RBFOX1: variants seen among roughly 807,000 people sequenced by gnomAD.
RBFOX1 encodes the protein RNA binding fox-1 homolog 1.
A neutral mutation model predicts 57.7 loss-of-function variants in RBFOX1; 8 were observed. The observed-to-expected ratio is 0.14, with a 90% confidence interval of 0.08 to 0.25. RBFOX1 has a LOEUF of 0.25. Among genes scored for constraint, RBFOX1 ranks in the 10% least tolerant of loss-of-function variants. The pLI, the probability that RBFOX1 is intolerant of heterozygous loss-of-function variation, is 1.00. For synonymous variants in RBFOX1, 326 were observed against 222.4 expected, an observed-to-expected ratio of 1.47 and a Z score of -4.15; for missense variants, 611 against 548.5, an observed-to-expected ratio of 1.11 and a Z score of -1.14.
intron 4 of RBFOX1, among the ~76,000 whole-genome samples, chr16:7,317,513 C>T (rs914439625): frequency 1.3e-5 from 2 of 152,162 alleles, no homozygotes; most frequent in African/African-American, 2.4e-5. Context: ...CATCACGAAG[C>T]AACTGGTCTC....
intron 2 of RBFOX1, among the ~76,000 whole-genome samples, chr16:6,450,767 GTA>G (rs371495786): frequency 0.033 from 1,134 of 34,018 alleles, 105 homozygotes; most frequent in African/African-American, 0.14. Flanking sequence ...ATATATATGT[GTA>G]TATATATATA....
At chr16:5,754,338 T>C (rs1159257166) in intron 3 of RBFOX1, among the ~76,000 whole-genome samples, 1 of 152,210 alleles carries the variant, frequency 6.6e-6, no homozygotes, top group Middle Eastern at 3.2e-3. Flanking sequence ...GCAATGTTCA[T>C]GTTCGCTCCT....
intron 1 of RBFOX1, among the ~76,000 whole-genome samples, chr16:5,277,273 G>A (rs1411196709): frequency 3.9e-5 from 6 of 151,918 alleles, no homozygotes; most frequent in Non-Finnish European, 7.4e-5. Flanking sequence ...GCAAAGGGAC[G>A]AGAATGAAAC....
chr16:7,532,292 C>T (rs1439042447), intron 5 of RBFOX1, among the ~76,000 whole-genome samples: 1 of 152,028 alleles, frequency 6.6e-6, no homozygotes, highest in Non-Finnish European at 1.5e-5. Flanking sequence ...TGACATTCAT[C>T]TGGTGGCTCC....
At chr16:7,004,295 A>C (rs1035773984) in intron 3 of RBFOX1, among the ~76,000 whole-genome samples, 1 of 152,168 alleles carries the variant, frequency 6.6e-6, no homozygotes, top group Non-Finnish European at 1.5e-5. Flanking sequence ...GATTAAATTA[A>C]CTCCATTCGG....
At chr16:5,251,784 C>G (rs368158759) in intron 1 of RBFOX1, among the ~76,000 whole-genome samples, 1 of 151,934 alleles carries the variant, frequency 6.6e-6, no homozygotes, top group Admixed American at 6.5e-5. Flanking sequence ...CATGTGTCAA[C>G]ATTCCTCATG....
At chr16:6,637,640 G>A (rs952800190) in intron 2 of RBFOX1, among the ~76,000 whole-genome samples, 1 of 148,008 alleles carries the variant, frequency 6.8e-6, no homozygotes, top group African/African-American at 2.5e-5. Context: ...AAACTCTAAA[G>A]TACTCCCCAG....
At chr16:5,948,579 G>C (rs1476449213) in intron 4 of RBFOX1, among the ~76,000 whole-genome samples, 4 of 152,176 alleles carry the variant, frequency 2.6e-5, no homozygotes, top group African/African-American at 9.7e-5. Flanking sequence ...AGGGAAGTTT[G>C]GAGACCTACA....
At chr16:5,704,573 C>G (rs1478908010) in intron 3 of RBFOX1, among the ~76,000 whole-genome samples, 1 of 152,162 alleles carries the variant, frequency 6.6e-6, no homozygotes. Flanking sequence ...GATAAATCAT[C>G]CCTGGTTTAT....
At chr16:6,890,081 T>C (rs2065053696) in intron 3 of RBFOX1, among the ~76,000 whole-genome samples, 1 of 152,210 alleles carries the variant, frequency 6.6e-6, no homozygotes, top group South Asian at 2.1e-4. Context: ...TAAAGTAAAA[T>C]GTGTTTAGCA....
chr16:5,592,804 C>G (rs972872013), intron 2 of RBFOX1, among the ~76,000 whole-genome samples: 1 of 152,188 alleles, frequency 6.6e-6, no homozygotes, highest in African/African-American at 2.4e-5. Flanking sequence ...CTTGCTTTCT[C>G]TTGGCGTCCA....
intron 3 of RBFOX1, among the ~76,000 whole-genome samples, chr16:6,844,675 G>A (rs780180833): frequency 1.3e-5 from 2 of 152,088 alleles, no homozygotes; most frequent in African/African-American, 4.8e-5. Context: ...ATAAAAGAAT[G>A]ATTTCTGTTC....
At chr16:6,209,334 G>A (rs11862328) in intron 1 of RBFOX1, among the ~76,000 whole-genome samples, 46,075 of 152,020 alleles carry the variant, frequency 0.3, 7,747 homozygotes, top group African/African-American at 0.43. Context: ...TGGGTTGTGT[G>A]TGTTTCTTCT....
rs186693237 is a variant in RBFOX1, at chr16:7,181,976, G to C, written c.27+129878G>C. ...GAAAAGGGTTAATTTCTTTGTAACA[G>C]AGATAGTGAATAACAAGCATACCAC... is the stretch of plus-strand genomic sequence containing the variant. On this transcript the variant is annotated intron_variant, in intron 4 of 15. Coordinates refer to ENST00000550418, the MANE Select transcript of RBFOX1 (RefSeq NM_018723.4). Among the ~76,000 whole-genome samples the C allele has an allele frequency of 1.5e-3, 228 of 152,292 alleles. 3 individuals carry two copies. The highest frequency in any genetic ancestry group is 0.013 in the Admixed American group (192 of 15,296).
intron 2 of RBFOX1, among the ~76,000 whole-genome samples, chr16:6,472,256 C>T (rs536731702): frequency 5.3e-5 from 8 of 152,198 alleles, no homozygotes; most frequent in Non-Finnish European, 1.2e-4. Context: ...GTGAGAGAAG[C>T]AGTGTCTCTA....
intron 2 of RBFOX1, among the ~76,000 whole-genome samples, chr16:5,521,561 G>A (rs1284890331): frequency 6.6e-6 from 1 of 152,052 alleles, no homozygotes; most frequent in Non-Finnish European, 1.5e-5. Flanking sequence ...CGCCATGATT[G>A]GCCTCTGCAG....
At chr16:5,327,589 T>C (rs1002774688) in intron 1 of RBFOX1, among the ~76,000 whole-genome samples, 3 of 152,126 alleles carry the variant, frequency 2.0e-5, no homozygotes, top group Non-Finnish European at 2.9e-5. Flanking sequence ...ATCTGCACAA[T>C]AGGTTTCTGG....
chr16:5,338,139 G>T (rs1052727634), intron 1 of RBFOX1, among the ~76,000 whole-genome samples: 14 of 150,676 alleles, frequency 9.3e-5, no homozygotes, highest in Non-Finnish European at 7.4e-5. Flanking sequence ...GGGTACTGTG[G>T]TTGTTACTGA....
At chr16:6,145,337 C>A (rs1032631077) in intron 1 of RBFOX1, among the ~76,000 whole-genome samples, 1 of 152,086 alleles carries the variant, frequency 6.6e-6, no homozygotes, top group East Asian at 1.9e-4. Flanking sequence ...GCCTCCAACT[C>A]CATCCATGTC....
Sources: allele counts gnomAD v4.1 joint callset (sites outside exome capture counted in the v4.1 genomes callset), GRCh38; gene constraint gnomAD v4.1.1; transcripts MANE v1.5; gene names NCBI Gene and HGNC (gene_info 2026-07-23, HGNC 2026-07-21).